The following DNAH10 variants were observed in gnomAD, a reference collection of about 807,000 sequenced individuals.
DNAH10 encodes the protein axonemal beta dynein heavy chain 10.
DNAH10 carries 348 observed loss-of-function variants against 506.6 expected under a neutral mutation model. The observed-to-expected ratio is 0.69, with a 90% CI of 0.63 to 0.75. The LOEUF is 0.75. DNAH10 is among the 30% of genes least tolerant of loss of function. The probability of loss-of-function intolerance (pLI) is 0.00; values close to 1 mark genes in which losing one functional copy is unlikely to be tolerated. For synonymous variants in DNAH10, 2,059 were observed against 2,198.6 expected (o/e 0.94, Z 1.78); for missense variants, 5,179 against 5,787.1 (o/e 0.89, Z 3.41).
At chr12:123,835,350 C>T in intron 27 of DNAH10, 56 bp from the exon 28 acceptor site, 1 of 1,582,300 alleles carries the variant, frequency 6.3e-7, no homozygotes, top group Non-Finnish European at 8.6e-7. Flanking sequence ...CTTTGCCATC[C>T]ACTTTTGGAG....
rs1951982589 is a variant in DNAH10 at position 123,870,436 on chromosome 12, A to AT, written c.7590_7591insT (p.Val2531CysfsTer34). 6.2e-7 allele frequency: 1 copy of AT among 1,613,838 alleles called. No homozygotes were observed. Among genetic ancestry groups the AT allele is most frequent in the Non-Finnish European group, 8.5e-7 (1 of 1,179,886 alleles). On this transcript the variant is annotated frameshift_variant, in exon 44 of 79. Transcript: ENST00000673944. LOFTEE classifies it high-confidence loss of function. Reference sequence around the variant, plus strand: ...ATCAATGGGTCCCATGGAGTAAATTAGTTCCAGAGTATATTCATGCCCCCG... The same window carrying AT: ...ATCAATGGGTCCCATGGAGTAAATTATGTTCCAGAGTATATTCATGCCCCCG...
intron 34 of DNAH10, among the ~76,000 whole-genome samples, chr12:123,849,137 G>A (rs945239295): frequency 4.6e-5 from 7 of 152,190 alleles, no homozygotes; most frequent in Non-Finnish European, 8.8e-5. Flanking sequence ...GCGTGGGGCA[G>A]AGTTCTCAAA....
rs1172164925 is a variant in DNAH10, at chr12:123,845,613, C to T, written c.5374C>T (p.Leu1792Phe). Reference sequence around the variant, plus strand: ...CGTTTTCTGCAGAGTCGACTGGATGCTCCTGTACCAGGGCATGGTGGTGCT... The same window carrying T: ...CGTTTTCTGCAGAGTCGACTGGATGTTCCTGTACCAGGGCATGGTGGTGCT... ...CEDRSRVDWM[L>F]LYQGMVVLAA... is the part of the protein sequence containing the mutation. Residue 1792 changes from leucine (L) to phenylalanine (F), a missense_variant, in exon 31 of 79, where the codon CTC (leucine) becomes TTC (phenylalanine). Transcript: ENST00000673944. The T allele has an allele frequency of 6.2e-7, 1 of 1,613,008 alleles. No homozygotes were observed. The highest frequency in any genetic ancestry group is 8.5e-7 in the Non-Finnish European group (1 of 1,179,864).
Position 123,787,125 on chromosome 12 carries a change from T to A in DNAH10, c.1422-679T>A, listed in dbSNP as rs1957886430. Among the ~76,000 whole-genome samples the A allele has an allele frequency of 6.6e-6, 1 of 152,222 alleles. No homozygotes were observed. The highest frequency in any genetic ancestry group is 2.4e-5 in the African/African-American group (1 of 41,454). On this transcript the variant is annotated intron_variant, in intron 9 of 78. Coordinates refer to ENST00000673944, the MANE Select transcript of DNAH10 (RefSeq NM_001372106.1). The surrounding 1 kb of genome is among the most constrained non-coding windows in gnomAD (Gnocchi z 4.6). ...GTCTATATCTGTATCTATATCATCA[T>A]CTAGCGATCTATCTAGATAGACAGA... is the stretch of plus-strand genomic sequence containing the variant.
intron 11 of DNAH10, among the ~76,000 whole-genome samples, chr12:123,792,562 C>T (rs1958121121): frequency 6.6e-6 from 1 of 150,572 alleles, no homozygotes; most frequent in African/African-American, 2.5e-5. Flanking sequence ...TGGGTTCAAG[C>T]AATTCTCTTG....
chr12:123,899,437 C>A (rs1015868212), intron 56 of DNAH10, among the ~76,000 whole-genome samples: 3 of 152,272 alleles, frequency 2.0e-5, no homozygotes, highest in African/African-American at 7.2e-5. Context: ...GCTCAACCTG[C>A]CTGCCTCTTC....
At chr12:123,883,640 C>G (rs192507650) in intron 51 of DNAH10, among the ~76,000 whole-genome samples, 3 of 152,202 alleles carry the variant, frequency 2.0e-5, no homozygotes, top group Admixed American at 1.3e-4. Flanking sequence ...AGACGTAGCC[C>G]CATCTTAAGC....
At chr12:123,847,292 A>C (rs144235809) in intron 32 of DNAH10, among the ~76,000 whole-genome samples, 8 of 149,468 alleles carry the variant, frequency 5.4e-5, no homozygotes, top group African/African-American at 1.7e-4. Context: ...TCTATTTATC[A>C]TCTCGATCAT....
At chr12:123,872,237 T>C (rs1434378275) in intron 45 of DNAH10, among the ~76,000 whole-genome samples, 1 of 152,006 alleles carries the variant, frequency 6.6e-6, no homozygotes, top group Non-Finnish European at 1.5e-5. Context: ...GTACCTGGCA[T>C]AGAATTCGCA....
At position 123,774,283 on chromosome 12, in the gene DNAH10, A is replaced by G; in HGVS notation, c.621+19A>G. 3 of 1,529,798 alleles carry G rather than the reference A, an allele frequency of 2.0e-6. No individual in the cohort carries two copies. Among genetic ancestry groups the G allele is most frequent in the Non-Finnish European group, 2.7e-6 (3 of 1,124,178 alleles). 94.8% of individuals were successfully genotyped at this position (1,529,798 alleles called of 1,614,324 possible). ...ATGTCAGGTAAACATGGAGAAAGGAAGAAATTCTAGTATTTCTAAAGTTGA... is the reference window on the plus strand; with the variant it reads ...ATGTCAGGTAAACATGGAGAAAGGAGGAAATTCTAGTATTTCTAAAGTTGA... On this transcript the variant is annotated intron_variant, in intron 5 of 78. Coordinates refer to ENST00000673944, the MANE Select transcript of DNAH10 (RefSeq NM_001372106.1).
At chr12:123,799,185 G>C in intron 13 of DNAH10, 61 bp from the exon 14 acceptor site, 1 of 1,422,682 alleles carries the variant, frequency 7.0e-7, no homozygotes, top group South Asian at 1.3e-5. Context: ...TATCTGTGTA[G>C]AGCGAGATGA....
intron 1 of DNAH10, among the ~76,000 whole-genome samples, chr12:123,764,683 G>A (rs1410326285): frequency 1.3e-5 from 2 of 152,074 alleles, no homozygotes; most frequent in Non-Finnish European, 2.9e-5. Context: ...GTTAATTCCT[G>A]GACCCTCCAA....
chr12:123,922,987 G>A (rs371885161), intron 65 of DNAH10: 1 of 152,044 alleles, frequency 6.6e-6, no homozygotes. Context: ...GTTTCTATAG[G>A]GCTCACTTAA....
intron 21 of DNAH10, among the ~76,000 whole-genome samples, chr12:123,817,099 CTTTT>C (rs755698934): frequency 1.1e-5 from 1 of 87,008 alleles, no homozygotes. Flanking sequence ...TCCAGTCTAA[CTTTT>C]TTTTTTTTTT....
At chr12:123,824,762 C>T (rs1361374165) in intron 24 of DNAH10, among the ~76,000 whole-genome samples, 1 of 152,126 alleles carries the variant, frequency 6.6e-6, no homozygotes, top group African/African-American at 2.4e-5. Flanking sequence ...ACATTGCTGT[C>T]TTCCCTCTGT....
chr12:123,857,600 C>T (rs377219081), intron 37 of DNAH10, among the ~76,000 whole-genome samples: 12 of 152,158 alleles, frequency 7.9e-5, no homozygotes, highest in Non-Finnish European at 1.3e-4. Flanking sequence ...TGGTGGCGCT[C>T]GCCTGTAGTC....
At chr12:123,881,427 CT>C (rs1198496256) in intron 50 of DNAH10, among the ~76,000 whole-genome samples, 197 bp from the exon 51 acceptor site, 1 of 152,072 alleles carries the variant, frequency 6.6e-6, no homozygotes, top group African/African-American at 2.4e-5. Flanking sequence ...TTTCATGTGT[CT>C]TTTGGCTGCA....
intron 5 of DNAH10, among the ~76,000 whole-genome samples, chr12:123,779,106 T>C (rs1245380560): frequency 2.0e-5 from 3 of 152,154 alleles, no homozygotes; most frequent in East Asian, 1.9e-4. Context: ...GTTTTCACCA[T>C]GTTAGCCAGG....
At chr12:123,770,254 AAT>A (rs1315767105) in intron 2 of DNAH10, among the ~76,000 whole-genome samples, 23 of 151,792 alleles carry the variant, frequency 1.5e-4, no homozygotes, top group South Asian at 1.5e-3. Flanking sequence ...CTCAAAAAAA[AAT>A]TTTTTTTTAA....
Sources: allele counts gnomAD v4.1 joint callset (sites outside exome capture counted in the v4.1 genomes callset), GRCh38; gene constraint gnomAD v4.1.1; non-coding constraint Gnocchi (gnomAD v3.1); transcripts MANE v1.5; gene names NCBI Gene and HGNC (gene_info 2026-07-23, HGNC 2026-07-21).